The following PPFIA4 variants were observed in gnomAD, a reference collection of about 807,000 sequenced individuals.
PPFIA4 encodes liprin-alpha-4.
In PPFIA4, 98 loss-of-function variants were observed where a neutral mutation model predicts 145.7. The ratio of observed to expected loss-of-function variants is 0.67; its 90% CI spans 0.57 to 0.80. The LOEUF is 0.80. Ranked by LOEUF, PPFIA4 falls within the 30% of genes least tolerant of loss-of-function variation. The probability of loss-of-function intolerance (pLI) is 0.00; values close to 1 mark genes in which losing one functional copy is unlikely to be tolerated. For missense variants in PPFIA4, 1,457 were observed against 1,632.7 expected (o/e 0.89, Z 1.85); for synonymous variants, 628 against 649.6 (o/e 0.97, Z 0.51).
At chr1:203,047,861 A>G (rs1428003505) in intron 9 of PPFIA4, among the ~76,000 whole-genome samples, 3 of 152,226 alleles carry the variant, frequency 2.0e-5, no homozygotes, top group Admixed American at 1.3e-4. Context: ...GCATGAGCCC[A>G]TGCTCTTCAG....
intron 25 of PPFIA4, among the ~76,000 whole-genome samples, chr1:203,065,438 C>T (rs1380931314): frequency 6.6e-6 from 1 of 152,072 alleles, no homozygotes; most frequent in Non-Finnish European, 1.5e-5. Flanking sequence ...TGAGCTGTTG[C>T]CCCACCAAGC....
At position 203,075,974 on chromosome 1, in the gene PPFIA4, C is replaced by T. The variant is rs1044056351; in HGVS notation, c.3574+217C>T. The stretch of plus-strand genomic sequence containing the variant: ...GGCTGCCGACTTCTCCCAGCTGGGA[C>T]GGCGGGGTCGCAGAGACTGGAGACC... On this transcript the variant is annotated intron_variant, in intron 29 of 29. Transcript: ENST00000295706. The surrounding 1 kb of genome is among the most constrained non-coding windows in gnomAD (Gnocchi z 4.1). 1 of 537,146 alleles carries T rather than the reference C, an allele frequency of 1.9e-6. No homozygotes were observed. The highest frequency in any genetic ancestry group is 3.7e-5 in the South Asian group (1 of 26,964). The allele number at this position is 537,146 out of a possible 1,614,324, so 33.3% of individuals were successfully genotyped here.
In PPFIA4 at chr1:203,039,165, G is replaced by C; in HGVS notation, c.157G>C (p.Ala53Pro). The change falls in exon 2 of 30, where the codon GCC (alanine) becomes CCC (proline). Residue 53 changes from alanine (A) to proline (P), a missense_variant. Ala to Pro is a conservative substitution (Grantham distance 27). Around this residue, in one of 3 missense-constraint regions of PPFIA4, gnomAD observed 463 missense variants for 459.8 expected, o/e 1.01. Transcript: ENST00000295706. ...SLRESQETLA[A>P]TQSRLQDAIH... ...TCGGGAGAGTCAGGAGACCTTGGCG[G>C]CCACACAGAGCCGGCTCCAGGATGC... is the stretch of plus-strand genomic sequence containing the variant. The C allele has an allele frequency of 6.2e-7, 1 of 1,606,844 alleles. No individual in the cohort carries two copies. Among genetic ancestry groups the C allele is most frequent in the Non-Finnish European group, 8.5e-7 (1 of 1,177,166 alleles).
intron 25 of PPFIA4, among the ~76,000 whole-genome samples, chr1:203,064,673 T>C (rs1034085301): frequency 3.9e-5 from 6 of 152,246 alleles, no homozygotes; most frequent in Non-Finnish European, 5.9e-5. Context: ...AGATTTTATA[T>C]ACAATTCTGG....
Position 203,043,440 on chromosome 1 carries a change from A to G in PPFIA4, c.278A>G (p.Gln93Arg), listed in dbSNP as rs565456263. Residue 93 changes from glutamine to arginine, a missense_variant, in exon 3 of 30, where the codon CAG becomes CGG. Around this residue, in one of 3 missense-constraint regions of PPFIA4, gnomAD observed 463 missense variants for 459.8 expected, o/e 1.01. Transcript: ENST00000295706. The surrounding 1 kb of genome is among the most constrained non-coding windows in gnomAD (Gnocchi z 4.4). ...LTRELSMCRE[Q>R]LLEREEEISE... ...CGGGAGCTGAGCATGTGTCGGGAGC[A>G]GCTTCTAGAGCGGGAGGAAGAGATA... is the stretch of plus-strand genomic sequence containing the variant. The G allele has an allele frequency of 4.3e-5, 70 of 1,611,694 alleles. No individual in the cohort carries two copies. The African/African-American group carries it at 8.1e-4, about 19-fold the overall frequency.
intron 1 of PPFIA4, among the ~76,000 whole-genome samples, chr1:203,033,679 A>G (rs553016367): frequency 6.6e-6 from 1 of 152,222 alleles, no homozygotes; most frequent in South Asian, 2.1e-4. Flanking sequence ...TCTTGCTCTC[A>G]AGAAGGTTTA....
Position 203,044,447 on chromosome 1 carries a change from C to G in PPFIA4, c.570C>G (p.His190Gln), listed in dbSNP as rs1423095146. 1.3e-6 allele frequency: 2 copies of G among 1,550,988 alleles called. No homozygotes were observed. Among genetic ancestry groups the G allele is most frequent in the Middle Eastern group, 1.7e-4 (1 of 5,984 alleles). ...TGGAGGAGCAGCTGGCAGGTGCCCA[C>G]CAGCAGGTAATCTGCCTGCTCACCC... The part of the protein sequence containing the change: ...TTLEEQLAGA[H>Q]QQVSALQQGA... Residue 190 changes from histidine to glutamine, a missense_variant, in exon 5 of 30, where the codon CAC (histidine) becomes CAG (glutamine). By Grantham distance (24) the His-to-Gln change is conservative (BLOSUM62 0). This residue lies in a region of PPFIA4 where 463 missense variants were observed against 459.8 expected (regional missense o/e 1.01). Transcript: ENST00000295706.
intron 25 of PPFIA4, among the ~76,000 whole-genome samples, chr1:203,064,940 C>T (rs922566828): frequency 3.9e-5 from 6 of 152,200 alleles, no homozygotes; most frequent in African/African-American, 7.2e-5. Flanking sequence ...AGCTTCAAGT[C>T]GTGTGGGTGG....
In PPFIA4 at chr1:203,076,548, C is replaced by A; in HGVS notation, c.*158C>A. ...AATATATTCGTCCACCCCCTCGGCA[C>A]CCCATTACCCCGAGTCCCACCGTGT... On this transcript the variant is annotated 3_prime_UTR_variant, in exon 30 of 30. Transcript: ENST00000295706. 1.4e-6 allele frequency: 1 copy of A among 690,774 alleles called. No homozygotes were observed. The highest frequency in any genetic ancestry group is 2.5e-6 in the Non-Finnish European group (1 of 403,556). The allele number at this position is 690,774 out of a possible 1,614,324, so 42.8% of individuals were successfully genotyped here. A position where few individuals can be genotyped will look rare whatever the true frequency, so the allele number is the denominator to read the frequency against.
intron 18 of PPFIA4, 112 bp from the exon 19 acceptor site, chr1:203,056,672 A>G: frequency 7.8e-7 from 1 of 1,285,644 alleles, no homozygotes; most frequent in Non-Finnish European, 1.1e-6. Context: ...CTTTTCCCCC[A>G]TCCCAGTTCT....
At chr1:203,053,035 T>G (rs1024444725) in intron 14 of PPFIA4, among the ~76,000 whole-genome samples, 2 of 152,230 alleles carry the variant, frequency 1.3e-5, no homozygotes, top group African/African-American at 4.8e-5. Flanking sequence ...CCTCATTTGA[T>G]CCTCACAGCT....
At position 203,055,292 on chromosome 1, in the gene PPFIA4, A is replaced by G. The variant is rs75886410; in HGVS notation, c.1830-140A>G. The G allele has an allele frequency of 1.2e-3, 1,330 of 1,108,516 alleles. 7 individuals are homozygous for G. In the African/African-American group the frequency reaches 0.019, roughly 16 times the overall value. The allele number at this position is 1,108,516 out of a possible 1,614,324, so 68.7% of individuals were successfully genotyped here. A position where few individuals can be genotyped will look rare whatever the true frequency, so the allele number is the denominator to read the frequency against. ...GCTAACAAGAAAGAGATGTGTTTCT[A>G]AGCTCCAGTGGGACAGACAAAGCCT... On this transcript the variant is annotated intron_variant, in intron 15 of 29. Coordinates refer to ENST00000295706, the MANE Select transcript of PPFIA4 (RefSeq NM_001304331.2). This position sits in a 1 kb window ranked among gnomAD's most constrained non-coding sequence, Gnocchi z 4.8.
rs140658142 is a variant in PPFIA4 at position 203,068,658 on chromosome 1, G to A, written c.3324+30G>A. ...GCAGCCTTTTAATCAGTCAACTTGA[G>A]TCTCTCCCTGTATCCCTCACTTGCT... On this transcript the variant is annotated intron_variant, in intron 27 of 29. Transcript: ENST00000295706. This position sits in a 1 kb window ranked among gnomAD's most constrained non-coding sequence, Gnocchi z 4.7. 221 of 1,453,056 alleles carry A rather than the reference G, an allele frequency of 1.5e-4. No individual in the cohort carries two copies. Among genetic ancestry groups the A allele is most frequent in the Non-Finnish European group, 1.9e-4 (205 of 1,101,990 alleles). 90.0% of individuals were successfully genotyped at this position (1,453,056 alleles called of 1,614,324 possible).
Position 203,075,836 on chromosome 1 carries a change from G to T in PPFIA4, c.3574+79G>T. ...TCCTGGCACCCCAGGGCCGGGCCGG[G>T]TGGAGAGGGGCGAGGCCGAGGCTGG... On this transcript the variant is annotated intron_variant, in intron 29 of 29. Coordinates refer to ENST00000295706, the MANE Select transcript of PPFIA4 (RefSeq NM_001304331.2). This position sits in a 1 kb window ranked among gnomAD's most constrained non-coding sequence, Gnocchi z 4.1. The T allele has an allele frequency of 7.7e-7, 1 of 1,300,470 alleles. No homozygotes were observed. 80.6% of individuals were successfully genotyped at this position (1,300,470 alleles called of 1,614,324 possible). A position where few individuals can be genotyped will look rare whatever the true frequency, so the allele number is the denominator to read the frequency against.
chr1:203,051,770 T>TCGCA lies in PPFIA4; in HGVS notation c.1515_1518dup (p.Met507AlafsTer55), dbSNP rs1196156347. 1 of 1,611,270 alleles carries TCGCA rather than the reference T, an allele frequency of 6.2e-7. No homozygotes were observed. Among genetic ancestry groups the TCGCA allele is most frequent in the South Asian group, 1.1e-5 (1 of 90,346 alleles). ...TTCTCTCCCCCATCACCGCTCAAGG[T>TCGCA]CGCACATGGGCAGTGCAGCAGACGT... On this transcript the variant is annotated frameshift_variant and splice_region_variant, in exon 14 of 30. Transcript: ENST00000295706. LOFTEE classifies it high-confidence loss of function.
At chr1:203,037,971 G>C (rs1050842840) in intron 1 of PPFIA4, among the ~76,000 whole-genome samples, 2 of 152,154 alleles carry the variant, frequency 1.3e-5, no homozygotes, top group Non-Finnish European at 2.9e-5. Context: ...GGAATGACTT[G>C]AGCCAGAGCC....
intron 28 of PPFIA4, among the ~76,000 whole-genome samples, chr1:203,074,667 A>G (rs1662397161): frequency 2.6e-5 from 4 of 151,920 alleles, no homozygotes; most frequent in Admixed American, 2.6e-4. Flanking sequence ...TGCTAGTCCC[A>G]CTCTGCCTGC....
rs1660950122 is a variant in PPFIA4 at position 203,056,388 on chromosome 1, G to A, written c.2120G>A (p.Arg707Gln). The change falls in exon 18 of 30, where the codon CGG (arginine) becomes CAG (glutamine). Residue 707 changes from arginine (R) to glutamine (Q), a missense_variant. Transcript: ENST00000295706. ...HRRKLLSPVS[R>Q]EENREDKATI... ...CTGTCTGTTCAGTCGCCAGTGTCTC[G>A]GGAAGAGAACCGAGAGGATAAAGCC... 5 of 1,613,770 alleles carry A rather than the reference G, an allele frequency of 3.1e-6. No individual in the cohort carries two copies. The highest frequency in any genetic ancestry group is 2.2e-5 in the South Asian group (2 of 91,064).
Position 203,048,171 on chromosome 1 carries a change from G to A in PPFIA4, c.1141-56G>A. ...GGCACCAGGGTGCAGGGGATGCGGG[G>A]CCTGAGCAGGAAGAACAGAGATCTG... On this transcript the variant is annotated intron_variant, in intron 9 of 29. Coordinates refer to ENST00000295706, the MANE Select transcript of PPFIA4 (RefSeq NM_001304331.2). The surrounding 1 kb of genome is among the most constrained non-coding windows in gnomAD (Gnocchi z 5.8). The A allele has an allele frequency of 6.4e-7, 1 of 1,561,908 alleles. No homozygotes were observed. The highest frequency in any genetic ancestry group is 8.8e-7 in the Non-Finnish European group (1 of 1,138,742).
Sources: gnomAD v4.1 joint callset for allele counts (sites outside exome capture counted in the v4.1 genomes callset) on GRCh38, gnomAD v4.1.1 for gene constraint, gnomAD v4.1.1 regional missense constraint, Gnocchi (gnomAD v3.1) non-coding constraint, MANE v1.5 for transcripts, NCBI Gene and HGNC (gene_info 2026-07-23, HGNC 2026-07-21) for gene names.